CADM2: variants seen among roughly 807,000 people sequenced by gnomAD.
The protein encoded by CADM2 is immunoglobulin superfamily member 4D.
CADM2 carries 12 observed loss-of-function variants against 49.8 expected under a neutral mutation model. The ratio of observed to expected loss-of-function variants is 0.24; its 90% confidence interval spans 0.15 to 0.39. The LOEUF is 0.39. Ranked by LOEUF, CADM2 falls within the 10% of genes least tolerant of loss-of-function variation. The pLI is 1.00. For missense variants in CADM2, 378 were observed against 492.3 expected, an observed-to-expected ratio of 0.77 and a Z score of 2.20; for synonymous variants, 214 against 175.4, an observed-to-expected ratio of 1.22 and a Z score of -1.74.
intron 1 of CADM2, among the ~76,000 whole-genome samples, chr3:85,238,005 AT>A (rs1003263915): frequency 2.0e-5 from 3 of 151,934 alleles, no homozygotes; most frequent in African/African-American, 4.8e-5. Context: ...AAATATAGAA[AT>A]AATAACAATA....
chr3:85,713,171 C>T (rs1340980111), intron 1 of CADM2, among the ~76,000 whole-genome samples: 1 of 152,180 alleles, frequency 6.6e-6, no homozygotes, highest in Admixed American at 6.5e-5. Flanking sequence ...GACCTCGGCT[C>T]ACTGCAACCT....
intron 1 of CADM2, among the ~76,000 whole-genome samples, chr3:85,661,829 A>C (rs999821680): frequency 2.6e-5 from 4 of 152,162 alleles, no homozygotes; most frequent in Non-Finnish European, 5.9e-5. Flanking sequence ...CATTTTTTTA[A>C]CTTTTACCTT....
In CADM2 at chr3:85,565,435, T is replaced by C. The variant is rs901650831; in HGVS notation, c.62-161087T>C. Among the ~76,000 whole-genome samples, 4 of 152,194 alleles carry C rather than the reference T, an allele frequency of 2.6e-5. No individual in the cohort carries two copies. In the East Asian group the frequency reaches 7.7e-4, roughly 29 times the overall value. On this transcript the variant is annotated intron_variant, in intron 1 of 9. Transcript: ENST00000383699. ...TTGCTATTAGTGTCTGCTGAAGGAATGATACAACTTCAGGATACTTCTAAG... is the reference window on the plus strand; with the variant it reads ...TTGCTATTAGTGTCTGCTGAAGGAACGATACAACTTCAGGATACTTCTAAG...
At chr3:84,983,031 G>A (rs1045305333) in intron 1 of CADM2, among the ~76,000 whole-genome samples, 1 of 151,882 alleles carries the variant, frequency 6.6e-6, no homozygotes, top group Non-Finnish European at 1.5e-5. Flanking sequence ...ACAGGCCTGA[G>A]CCACTGCGCC....
rs541386027 is a variant in CADM2 at position 84,976,294 on chromosome 3, C to T, written c.61+16626C>T. Among the ~76,000 whole-genome samples, 5 of 151,552 alleles carry T rather than the reference C, an allele frequency of 3.3e-5. No homozygotes were observed. The South Asian group carries it at 1.0e-3, about 31-fold the overall frequency. ...GTTGACATTTTGGTAGAGATACCAA[C>T]AAGAAAGTAGAAAGTATTTAAATTT... is the stretch of plus-strand genomic sequence containing the variant. On this transcript the variant is annotated intron_variant, in intron 1 of 9. Coordinates refer to ENST00000383699, the MANE Select transcript of CADM2 (RefSeq NM_001167675.2).
chr3:85,277,229 G>A (rs1163247524), intron 1 of CADM2, among the ~76,000 whole-genome samples: 1 of 151,262 alleles, frequency 6.6e-6, no homozygotes, highest in Non-Finnish European at 1.5e-5. Context: ...TAGTAGAAGA[G>A]CTCTAAGAAT....
chr3:85,653,655 A>G (rs1320761195), intron 1 of CADM2, among the ~76,000 whole-genome samples: 2 of 152,142 alleles, frequency 1.3e-5, no homozygotes, highest in Non-Finnish European at 1.5e-5. Context: ...TCGGGAGTTC[A>G]GGGAATGGGT....
chr3:85,048,632 GAT>G (rs1256605954), intron 1 of CADM2, among the ~76,000 whole-genome samples: 1 of 152,106 alleles, frequency 6.6e-6, no homozygotes, highest in Non-Finnish European at 1.5e-5. Flanking sequence ...AAATTATCAA[GAT>G]ATACTTAGGA....
intron 1 of CADM2, among the ~76,000 whole-genome samples, chr3:85,720,416 G>A (rs2067457406): frequency 6.6e-6 from 1 of 152,068 alleles, no homozygotes; most frequent in Non-Finnish European, 1.5e-5. Flanking sequence ...ATTGCAGAAT[G>A]GTGACTTTCT....
chr3:85,394,851 C>A (rs1317004236), intron 1 of CADM2, among the ~76,000 whole-genome samples: 1 of 152,040 alleles, frequency 6.6e-6, no homozygotes, highest in African/African-American at 2.4e-5. Flanking sequence ...ATGCTTAGTG[C>A]ATCCAAAATG....
chr3:85,853,299 A>G (rs2075176230), intron 3 of CADM2, among the ~76,000 whole-genome samples: 1 of 151,752 alleles, frequency 6.6e-6, no homozygotes, highest in South Asian at 2.1e-4. Context: ...GGGAAGCAAC[A>G]AAAACAACAA....
intron 8 of CADM2, among the ~76,000 whole-genome samples, chr3:86,024,495 T>G (rs557882240): frequency 1.3e-5 from 2 of 152,306 alleles, no homozygotes; most frequent in African/African-American, 4.8e-5. Context: ...AGGTACAAGT[T>G]GAAATTATCT....
chr3:85,710,543 C>T (rs1296438029), intron 1 of CADM2, among the ~76,000 whole-genome samples: 1 of 152,032 alleles, frequency 6.6e-6, no homozygotes, highest in Non-Finnish European at 1.5e-5. Flanking sequence ...TATATTCTTT[C>T]CAGTTTGCAT....
intron 3 of CADM2, among the ~76,000 whole-genome samples, chr3:85,843,009 T>C (rs1329294056): frequency 5.9e-5 from 9 of 152,104 alleles, no homozygotes; most frequent in Admixed American, 5.9e-4. Flanking sequence ...TAATTGTAAT[T>C]ATATACTAGT....
At chr3:85,721,954 A>G (rs550942416) in intron 1 of CADM2, among the ~76,000 whole-genome samples, 1 of 152,300 alleles carries the variant, frequency 6.6e-6, no homozygotes, top group Admixed American at 6.5e-5. Context: ...GAGGAGCTTT[A>G]TTGAGCAACA....
chr3:85,635,257 G>A (rs1046730806), intron 1 of CADM2, among the ~76,000 whole-genome samples: 3 of 152,098 alleles, frequency 2.0e-5, no homozygotes, highest in East Asian at 1.9e-4. Flanking sequence ...ACACACATAA[G>A]CGGCATATAC....
intron 1 of CADM2, among the ~76,000 whole-genome samples, chr3:85,414,829 G>T (rs2035843250): frequency 6.6e-6 from 1 of 152,086 alleles, no homozygotes; most frequent in Admixed American, 6.6e-5. Flanking sequence ...GTGTTATGCG[G>T]GAAGGGGTGG....
At chr3:85,428,788 C>G (rs1178463967) in intron 1 of CADM2, among the ~76,000 whole-genome samples, 2 of 150,676 alleles carry the variant, frequency 1.3e-5, no homozygotes, top group Non-Finnish European at 3.0e-5. Flanking sequence ...AAGCTCCATC[C>G]ATTATCCATT....
chr3:85,009,196 G>A (rs1464678965), intron 1 of CADM2, among the ~76,000 whole-genome samples: 2 of 152,130 alleles, frequency 1.3e-5, no homozygotes, highest in Non-Finnish European at 2.9e-5. Context: ...TATGATGCTT[G>A]TCTTGTCTGA....
Sources: allele counts gnomAD v4.1 joint callset (sites outside exome capture counted in the v4.1 genomes callset), GRCh38; gene constraint gnomAD v4.1.1; transcripts MANE v1.5; gene names NCBI Gene and HGNC (gene_info 2026-07-23, HGNC 2026-07-21).